The following RASEF variants were observed in gnomAD, a reference collection of about 807,000 sequenced individuals.
RASEF encodes the protein ras and EF-hand domain-containing protein.
Under a neutral mutation model 90.1 loss-of-function variants are expected in RASEF, and 68 were observed. That is an observed-to-expected ratio of 0.75 (90% CI 0.62 to 0.92). The LOEUF (loss-of-function observed/expected upper bound fraction) is 0.92. RASEF is among the 40% of genes least tolerant of loss of function. The probability of loss-of-function intolerance (pLI) is 0.00; values close to 1 mark genes in which losing one functional copy is unlikely to be tolerated. For synonymous variants in RASEF, 331 were observed against 345.2 expected, an observed-to-expected ratio of 0.96 and a Z score of 0.46; for missense variants, 949 against 937.2, an observed-to-expected ratio of 1.01 and a Z score of -0.16.
the RASEF span, among the ~76,000 whole-genome samples, chr9:83,171,279 A>T: frequency 2.0e-5 from 3 of 151,924 alleles, no homozygotes; most frequent in Non-Finnish European, 4.4e-5. Context: ...GATGAACCCC[A>T]CTTGATAATA....
chr9:83,177,169 A>T, the RASEF span, among the ~76,000 whole-genome samples: 1 of 151,996 alleles, frequency 6.6e-6, no homozygotes, highest in African/African-American at 2.4e-5. Context: ...GTGCATTCCC[A>T]TTGTCTTTTA....
At chr9:83,084,659 C>T in the RASEF span, among the ~76,000 whole-genome samples, 1 of 152,140 alleles carries the variant, frequency 6.6e-6, no homozygotes, top group African/African-American at 2.4e-5. Context: ...TTTCCTTTTT[C>T]CCACCCGTCT....
intron 16 of RASEF, among the ~76,000 whole-genome samples, chr9:82,985,542 C>CT (rs1345131066): frequency 1.3e-5 from 2 of 152,126 alleles, no homozygotes; most frequent in Admixed American, 6.5e-5. Context: ...AGCTGGGACT[C>CT]TGTGTTTTCA....
At chr9:83,217,728 T>C in the RASEF span, among the ~76,000 whole-genome samples, 1 of 152,174 alleles carries the variant, frequency 6.6e-6, no homozygotes, top group Non-Finnish European at 1.5e-5. Context: ...CAGTCTCAGG[T>C]ATGTCTTTAT....
chr9:83,137,422 A>C, the RASEF span, among the ~76,000 whole-genome samples: 1 of 152,316 alleles, frequency 6.6e-6, no homozygotes, highest in Middle Eastern at 3.4e-3. Flanking sequence ...GAGAGTTAGA[A>C]GTTGTGAAAT....
the RASEF span, among the ~76,000 whole-genome samples, chr9:83,081,390 C>T: frequency 6.6e-6 from 1 of 152,248 alleles, no homozygotes; most frequent in African/African-American, 2.4e-5. Flanking sequence ...AATGAGTAGA[C>T]ATGACTCTGG....
At chr9:83,018,596 T>C (rs1380309529) in intron 3 of RASEF, among the ~76,000 whole-genome samples, 2 of 152,108 alleles carry the variant, frequency 1.3e-5, no homozygotes, top group African/African-American at 4.8e-5. Context: ...GAAAGGCTGA[T>C]TCTTTGAAAA....
At chr9:83,126,119 T>C in the RASEF span, among the ~76,000 whole-genome samples, 1 of 152,198 alleles carries the variant, frequency 6.6e-6, no homozygotes, top group Admixed American at 6.5e-5. Context: ...GAGAATAATA[T>C]GTAACCTATT....
At chr9:83,214,655 T>C in the RASEF span, among the ~76,000 whole-genome samples, 1 of 152,156 alleles carries the variant, frequency 6.6e-6, no homozygotes, top group Non-Finnish European at 1.5e-5. Context: ...TTTCCCATGC[T>C]GTTCTCCTGA....
At chr9:83,159,187 A>C in the RASEF span, among the ~76,000 whole-genome samples, 7 of 3,588 alleles carry the variant, frequency 2.0e-3, no homozygotes, top group Non-Finnish European at 2.5e-3. Flanking sequence ...CTCCGTCTCA[A>C]AAAAAAAAAA....
Position 83,062,541 on chromosome 9 carries a change from C to T in RASEF, c.327G>A (p.Glu109=). Residue 109 remains glutamate, a synonymous_variant, in exon 1 of 17, where the codon GAG becomes GAA. Coordinates refer to ENST00000376447, the MANE Select transcript of RASEF (RefSeq NM_152573.4). ...THDSEEDEGD[E]DAAAALATSC... ...AGGTGGCCAGCGCCGCCGCCGCGTC[C>T]TCGTCGCCTTCGTCCTCCTCGCTGT... is the stretch of plus-strand genomic sequence containing the variant. 1 of 1,606,200 alleles carries T rather than the reference C, an allele frequency of 6.2e-7. No homozygotes were observed. The highest frequency in any genetic ancestry group is 8.5e-7 in the Non-Finnish European group (1 of 1,176,686).
intron 6 of RASEF, among the ~76,000 whole-genome samples, chr9:83,008,367 T>A (rs1829170926): frequency 6.6e-6 from 1 of 152,164 alleles, no homozygotes; most frequent in African/African-American, 2.4e-5. Context: ...ATTTTTTTTT[T>A]AAACTTTTGC....
Position 83,018,961 on chromosome 9 carries a change from TA to T in RASEF, c.670-3062del, listed in dbSNP as rs373903986. 1.3e-3 allele frequency among the ~76,000 whole-genome samples: 191 copies of T among 151,874 alleles called. 2 individuals carry two copies. The highest frequency in any genetic ancestry group is 0.012 in the East Asian group (60 of 5,172). ...GTGTGGGAACAATTGGATATCTACA[TA>T]AAAAAAATATGAACATTGATCCATA... On this transcript the variant is annotated intron_variant, in intron 3 of 16. Transcript: ENST00000376447.
the RASEF span, among the ~76,000 whole-genome samples, chr9:83,206,943 T>G: frequency 6.6e-6 from 1 of 152,144 alleles, no homozygotes; most frequent in South Asian, 2.1e-4. Flanking sequence ...CTGTTGCGTC[T>G]TCCCGTCTAG....
chr9:83,011,550 C>CCA (rs1404095782), intron 5 of RASEF, among the ~76,000 whole-genome samples: 18 of 28,108 alleles, frequency 6.4e-4, no homozygotes, highest in African/African-American at 2.3e-3. Flanking sequence ...GACTCCATCT[C>CCA]AAAAAAAAAA....
At chr9:83,163,520 G>A in the RASEF span, among the ~76,000 whole-genome samples, 3 of 152,134 alleles carry the variant, frequency 2.0e-5, no homozygotes, top group Non-Finnish European at 4.4e-5. Flanking sequence ...TAAACAAGAA[G>A]ATGAAAATTC....
At chr9:83,055,972 G>C (rs2117888946) in intron 1 of RASEF, among the ~76,000 whole-genome samples, 1 of 152,272 alleles carries the variant, frequency 6.6e-6, no homozygotes, top group Admixed American at 6.5e-5. Context: ...GAGTATTTAA[G>C]AAGGTGAGAA....
the RASEF span, among the ~76,000 whole-genome samples, chr9:83,102,445 C>A: frequency 6.6e-6 from 1 of 152,112 alleles, no homozygotes; most frequent in Non-Finnish European, 1.5e-5. Context: ...TTGTTGCTGC[C>A]GTACACATGT....
At chr9:83,115,763 G>A in the RASEF span, among the ~76,000 whole-genome samples, 1 of 151,908 alleles carries the variant, frequency 6.6e-6, no homozygotes, top group African/African-American at 2.4e-5. Flanking sequence ...TACTGAGACA[G>A]CATTTACTTT....
Sources: allele counts gnomAD v4.1 joint callset (sites outside exome capture counted in the v4.1 genomes callset), GRCh38; gene constraint gnomAD v4.1.1; transcripts MANE v1.5; gene names NCBI Gene and HGNC (gene_info 2026-07-23, HGNC 2026-07-21).